ASRGL1: variants seen among roughly 807,000 people sequenced by gnomAD.
ASRGL1 encodes the protein isoaspartyl peptidase/L-asparaginase.
In ASRGL1, 16 loss-of-function variants were observed where a neutral mutation model predicts 22.4. The observed-to-expected ratio is 0.71, with a 90% confidence interval of 0.48 to 1.08. The LOEUF (loss-of-function observed/expected upper bound fraction) is 1.08. Ranked by LOEUF, ASRGL1 falls within the 50% of genes least tolerant of loss-of-function variation. ASRGL1 has a pLI of 0.00. For synonymous variants in ASRGL1, 165 were observed against 159.3 expected (o/e 1.04, Z -0.27); for missense variants, 412 against 410.1 (o/e 1.00, Z -0.04).
the ASRGL1 span, among the ~76,000 whole-genome samples, chr11:62,399,429 G>A: frequency 2.3e-4 from 35 of 152,152 alleles, no homozygotes; most frequent in African/African-American, 5.8e-4. Context: ...GTGCCCCACC[G>A]GTGTGTCTGC....
At chr11:62,396,792 T>G (rs531478724), downstream of ASRGL1, among the ~76,000 whole-genome samples, 3 of 152,006 alleles carry the variant, frequency 2.0e-5, no homozygotes, top group South Asian at 6.2e-4. Context: ...TTTTAATCAC[T>G]GATCATCTCA....
intron 2 of ASRGL1, among the ~76,000 whole-genome samples, chr11:62,342,314 A>ATT (rs1945885261): frequency 1.3e-5 from 2 of 152,228 alleles, no homozygotes; most frequent in Admixed American, 1.3e-4. Flanking sequence ...TCCAGGGCAA[A>ATT]TATTTAGGCT....
At chr11:62,384,960 A>G (rs1471860694) in intron 4 of ASRGL1, among the ~76,000 whole-genome samples, 1 of 147,436 alleles carries the variant, frequency 6.8e-6, no homozygotes, top group Non-Finnish European at 1.5e-5. Flanking sequence ...AAACATATAT[A>G]CAAGAAAAAT....
At chr11:62,400,714 C>T in the ASRGL1 span, among the ~76,000 whole-genome samples, 1 of 152,194 alleles carries the variant, frequency 6.6e-6, no homozygotes. Flanking sequence ...CTGTGGAGTG[C>T]CTTACCCGCG....
At chr11:62,338,932 CAAA>C (rs576869521) in intron 2 of ASRGL1, among the ~76,000 whole-genome samples, 1 of 101,578 alleles carries the variant, frequency 9.8e-6, no homozygotes. Flanking sequence ...GAGACTATCT[CAAA>C]AAAAAAAAAA....
chr11:62,396,126 A>T, downstream of ASRGL1, among the ~76,000 whole-genome samples: 1 of 152,042 alleles, frequency 6.6e-6, no homozygotes, highest in Admixed American at 6.5e-5. Flanking sequence ...CTGGCTAAAA[A>T]AAATGCAGGT....
At chr11:62,378,560 C>CAATTAT in intron 4 of ASRGL1, among the ~76,000 whole-genome samples, 1 of 152,086 alleles carries the variant, frequency 6.6e-6, no homozygotes, top group Non-Finnish European at 1.5e-5. Context: ...TCCTTCAGAT[C>CAATTAT]AATTATAATT....
At chr11:62,340,556 G>C (rs1945838974) in intron 2 of ASRGL1, among the ~76,000 whole-genome samples, 1 of 152,196 alleles carries the variant, frequency 6.6e-6, no homozygotes, top group South Asian at 2.1e-4. Context: ...GCATTGGGAA[G>C]CACAGATTAG....
intron 4 of ASRGL1, among the ~76,000 whole-genome samples, chr11:62,375,482 T>TATATATATATATATA (rs1565169632): frequency 4.2e-5 from 3 of 70,920 alleles, no homozygotes; most frequent in South Asian, 5.4e-4. Context: ...ATATATATAT[T>TATATATATATATATA]TCTTGGAGTA....
chr11:62,387,758 A>G (rs988350974), intron 4 of ASRGL1, among the ~76,000 whole-genome samples: 1 of 152,044 alleles, frequency 6.6e-6, no homozygotes, highest in African/African-American at 2.4e-5. Flanking sequence ...TTGCCCTGTT[A>G]CTACCACCCT....
At chr11:62,362,355 A>G (rs1946454543) in intron 4 of ASRGL1, among the ~76,000 whole-genome samples, 1 of 148,746 alleles carries the variant, frequency 6.7e-6, no homozygotes, top group Non-Finnish European at 1.5e-5. Flanking sequence ...GTCTTCAAAG[A>G]GCAAATCATG....
the ASRGL1 span, among the ~76,000 whole-genome samples, chr11:62,398,850 A>AG: frequency 6.6e-6 from 1 of 152,094 alleles, no homozygotes; most frequent in Non-Finnish European, 1.5e-5. Flanking sequence ...ACTTTCCCCA[A>AG]GCCCTTTCCC....
downstream of ASRGL1, among the ~76,000 whole-genome samples, chr11:62,395,722 AC>A (rs1372148291): frequency 1.4e-5 from 2 of 146,102 alleles, no homozygotes; most frequent in African/African-American, 5.1e-5. Flanking sequence ...TCATCTTTGC[AC>A]AAAACCATCA....
At chr11:62,396,920 C>G (rs1947438443), downstream of ASRGL1, among the ~76,000 whole-genome samples, 1 of 152,184 alleles carries the variant, frequency 6.6e-6, no homozygotes, top group African/African-American at 2.4e-5. Context: ...GTTGAGTCTT[C>G]CTGTCCTATC....
chr11:62,345,088 A>T (rs1282512977), intron 2 of ASRGL1, among the ~76,000 whole-genome samples: 2 of 152,186 alleles, frequency 1.3e-5, no homozygotes, highest in Non-Finnish European at 2.9e-5. Context: ...TCCATTGTGT[A>T]TATGTATCAT....
intron 4 of ASRGL1, among the ~76,000 whole-genome samples, chr11:62,386,478 G>GGACATATCA (rs1947211769): frequency 6.7e-6 from 1 of 149,174 alleles, no homozygotes; most frequent in Non-Finnish European, 1.5e-5. Context: ...TCATAGATAT[G>GGACATATCA]TACATATATA....
intron 4 of ASRGL1, among the ~76,000 whole-genome samples, chr11:62,383,496 G>A (rs1351333529): frequency 4.7e-5 from 7 of 148,326 alleles, no homozygotes; most frequent in East Asian, 2.0e-4. Flanking sequence ...CCAGCTACTC[G>A]GGAGGCTGAG....
intron 5 of ASRGL1, chr11:62,389,616 A>G (rs1434436010): frequency 8.4e-6 from 3 of 357,150 alleles, no homozygotes; most frequent in Non-Finnish European, 1.6e-5. Context: ...CTCCCGAGAC[A>G]TGGGCTCTGA....
In ASRGL1 at chr11:62,357,057, C is replaced by T; in HGVS notation, c.404C>T (p.Pro135Leu). 3 of 1,614,026 alleles carry T rather than the reference C, an allele frequency of 1.9e-6. No individual in the cohort carries two copies. The highest frequency in any genetic ancestry group is 2.5e-6 in the Non-Finnish European group (3 of 1,180,014). Residue 135 changes from proline to leucine, a missense_variant, in exon 4 of 7, where the codon CCT becomes CTT. Physicochemically the swap from Pro to Leu is moderately conservative, Grantham distance 98. Transcript: ENST00000415229. ...FAAAMGVPEIPGEKLVTERNK... is the reference protein window; with the variant it reads ...FAAAMGVPEILGEKLVTERNK... Reference sequence around the variant, plus strand: ...GCAGCTATGGGGGTTCCAGAGATTCCTGGAGAAAAACTGGTGACAGAGAGA... The same window carrying T: ...GCAGCTATGGGGGTTCCAGAGATTCTTGGAGAAAAACTGGTGACAGAGAGA...
Sources: allele counts gnomAD v4.1 joint callset (sites outside exome capture counted in the v4.1 genomes callset), GRCh38; gene constraint gnomAD v4.1.1; transcripts MANE v1.5; gene names NCBI Gene and HGNC (gene_info 2026-07-23, HGNC 2026-07-21).